Variants in OSBPL1A observed in about 807,000 individuals in gnomAD.
OSBPL1A encodes the protein oxysterol binding protein like 1A, also known as oxysterol-binding protein-related protein 1.
A neutral mutation model predicts 137.1 loss-of-function variants in OSBPL1A; 80 were observed. That is an observed-to-expected ratio of 0.58 (90% confidence interval 0.49 to 0.70). The LOEUF is 0.70. OSBPL1A is among the 30% of genes least tolerant of loss of function. OSBPL1A has a pLI of 0.00. For synonymous variants in OSBPL1A, 365 were observed against 389.7 expected (o/e 0.94, Z 0.75); for missense variants, 970 against 1,129.4 (o/e 0.86, Z 2.02).
chr18:24,381,848 C>T (rs1463015181), intron 1 of OSBPL1A, among the ~76,000 whole-genome samples: 2 of 151,632 alleles, frequency 1.3e-5, no homozygotes, highest in African/African-American at 4.9e-5. Flanking sequence ...GTAAAACCAG[C>T]TACTCAGGAG....
intron 14 of OSBPL1A, among the ~76,000 whole-genome samples, chr18:24,292,951 T>C (rs890057540): frequency 1.3e-5 from 2 of 150,660 alleles, no homozygotes; most frequent in East Asian, 3.9e-4. Context: ...ACTAAAAATA[T>C]AAAAATTAGC....
intron 21 of OSBPL1A, among the ~76,000 whole-genome samples, chr18:24,172,848 C>T (rs919592350): frequency 5.9e-5 from 9 of 152,030 alleles, no homozygotes; most frequent in Admixed American, 4.6e-4. Flanking sequence ...CCCTCCAGCT[C>T]ACCAAAGGAA....
At chr18:24,357,579 A>G (rs1170473089) in intron 4 of OSBPL1A, 2 of 152,194 alleles carry the variant, frequency 1.3e-5, no homozygotes, top group African/African-American at 4.8e-5. Flanking sequence ...GCAGGTTTGC[A>G]TGACCCAGTT....
intron 18 of OSBPL1A, among the ~76,000 whole-genome samples, chr18:24,182,859 T>A (rs1262672313): frequency 1.3e-5 from 2 of 151,842 alleles, no homozygotes; most frequent in Non-Finnish European, 2.9e-5. Context: ...TCCCAGGCTC[T>A]CTTTCTTCTA....
intron 13 of OSBPL1A, 27 bp downstream of exon 13, chr18:24,311,957 A>T: frequency 6.2e-7 from 1 of 1,613,048 alleles, no homozygotes; most frequent in South Asian, 1.1e-5. Flanking sequence ...GATAGCTATA[A>T]AGGTCAGGTT....
chr18:24,253,806 T>C (rs2089186732), intron 15 of OSBPL1A, among the ~76,000 whole-genome samples: 1 of 152,150 alleles, frequency 6.6e-6, no homozygotes, highest in South Asian at 2.1e-4. Flanking sequence ...AGCACTGACC[T>C]TAGGTTTTAC....
intron 17 of OSBPL1A, among the ~76,000 whole-genome samples, chr18:24,206,711 T>C (rs147434675): frequency 1.3e-5 from 2 of 152,206 alleles, no homozygotes; most frequent in African/African-American, 4.8e-5. Context: ...CCTTGGGGAA[T>C]GATCTCAAAG....
At chr18:24,217,318 T>A (rs145924941) in intron 17 of OSBPL1A, among the ~76,000 whole-genome samples, 1,523 of 148,294 alleles carry the variant, frequency 0.01, 27 homozygotes, top group African/African-American at 0.036. Context: ...AGTGCAGTGG[T>A]GTGATCTCAG....
At chr18:24,215,632 C>T (rs868467927) in intron 17 of OSBPL1A, among the ~76,000 whole-genome samples, 2 of 152,080 alleles carry the variant, frequency 1.3e-5, no homozygotes, top group Non-Finnish European at 2.9e-5. Context: ...TCCCCTGAGG[C>T]GATTTTCTCC....
chr18:24,223,158 T>C (rs1218016128), intron 17 of OSBPL1A, among the ~76,000 whole-genome samples: 1 of 152,070 alleles, frequency 6.6e-6, no homozygotes. Flanking sequence ...TTGATATCAA[T>C]ATAAAAACTA....
chr18:24,223,372 C>G (rs8097484), intron 17 of OSBPL1A, among the ~76,000 whole-genome samples: 1 of 152,070 alleles, frequency 6.6e-6, no homozygotes, highest in African/African-American at 2.4e-5. Context: ...ATAGGAATTA[C>G]GTATTCCCAC....
Position 24,368,349 on chromosome 18 carries a change from A to T in OSBPL1A, c.145T>A (p.Trp49Arg). ...TAGCATGCCAGATGTAGAGGTGTCC[A>T]GCCCAAGTTAGACTTACTTCTTCCT... Reference protein sequence around the residue: ...CKGRSKSNLGWTPLHLACYFG... With the variant: ...CKGRSKSNLGRTPLHLACYFG... Residue 49 changes from tryptophan to arginine, a missense_variant, in exon 3 of 28, where the codon TGG becomes AGG. By Grantham distance (101) the Trp-to-Arg change is moderately radical. Around this residue, in one of 2 missense-constraint regions of OSBPL1A, gnomAD observed 647 missense variants for 672.6 expected, o/e 0.96. Transcript: ENST00000319481. 1.2e-6 allele frequency: 2 copies of T among 1,613,614 alleles called. No homozygotes were observed. Among genetic ancestry groups the T allele is most frequent in the Non-Finnish European group, 1.7e-6 (2 of 1,179,564 alleles).
At chr18:24,298,062 A>G (rs1237355215) in intron 14 of OSBPL1A, among the ~76,000 whole-genome samples, 1 of 152,178 alleles carries the variant, frequency 6.6e-6, no homozygotes, top group Non-Finnish European at 1.5e-5. Context: ...GCAGTAAAGG[A>G]GCCGGCCAAA....
At chr18:24,214,467 T>A (rs9945342) in intron 17 of OSBPL1A, among the ~76,000 whole-genome samples, 30,020 of 152,030 alleles carry the variant, frequency 0.2, 3,377 homozygotes, top group Non-Finnish European at 0.24. Flanking sequence ...ATTTTGTTGG[T>A]TGGGGAGGGG....
intron 4 of OSBPL1A, among the ~76,000 whole-genome samples, chr18:24,345,850 G>A (rs1199958751): frequency 6.6e-6 from 1 of 152,068 alleles, no homozygotes; most frequent in Non-Finnish European, 1.5e-5. Flanking sequence ...ACTTCTAAAT[G>A]CCTGTATTGT....
intron 4 of OSBPL1A, chr18:24,358,431 CT>C: frequency 2.8e-6 from 2 of 701,846 alleles, no homozygotes; most frequent in Admixed American, 4.0e-5. Flanking sequence ...CTTCCCCACC[CT>C]CGTGCACAGG....
At chr18:24,345,743 C>A (rs1349616820) in intron 4 of OSBPL1A, among the ~76,000 whole-genome samples, 3 of 151,810 alleles carry the variant, frequency 2.0e-5, no homozygotes, top group Non-Finnish European at 2.9e-5. Flanking sequence ...TTTTTAAATC[C>A]AAGCATCCTC....
At position 24,170,431 on chromosome 18, in the gene OSBPL1A, A is replaced by G; in HGVS notation, c.2314T>C (p.Tyr772His). The G allele has an allele frequency of 6.2e-7, 1 of 1,614,072 alleles. No homozygotes were observed. Among genetic ancestry groups the G allele is most frequent in the Non-Finnish European group, 8.5e-7 (1 of 1,180,000 alleles). The change falls in exon 24 of 28, where the codon TAT becomes CAT. Residue 772 changes from tyrosine to histidine, a missense_variant. Tyr to His is a moderately conservative substitution (Grantham distance 83). Coordinates refer to ENST00000319481, the MANE Select transcript of OSBPL1A (RefSeq NM_080597.4). The stretch of plus-strand genomic sequence containing the variant: ...TATAAACATTCAGTCCACTTCCCAT[A>G]GAGGGCACAGAGCTTCTTTTTGCTG... ...DKSKKKLCAL[Y>H]GKWTECLYSV...
At chr18:24,211,258 G>A (rs1427045523) in intron 17 of OSBPL1A, among the ~76,000 whole-genome samples, 5 of 152,242 alleles carry the variant, frequency 3.3e-5, no homozygotes, top group Admixed American at 2.6e-4. Context: ...ATAAGCCACC[G>A]CACCCAGCCC....
Sources: gnomAD v4.1 joint callset for allele counts (sites outside exome capture counted in the v4.1 genomes callset) on GRCh38, gnomAD v4.1.1 for gene constraint, gnomAD v4.1.1 regional missense constraint, MANE v1.5 for transcripts, NCBI Gene and HGNC (gene_info 2026-07-23, HGNC 2026-07-21) for gene names.